DLGAP1: variants seen among roughly 807,000 people sequenced by gnomAD.
DLGAP1 encodes disks large-associated protein 1.
In DLGAP1, 11 loss-of-function variants were observed where a neutral mutation model predicts 90.8. That is an observed-to-expected ratio of 0.12 (90% confidence interval 0.08 to 0.20). DLGAP1 has a LOEUF of 0.20. DLGAP1 is among the 10% of genes least tolerant of loss of function. The pLI is 1.00. For missense variants in DLGAP1, 1,050 were observed against 1,333.8 expected (o/e 0.79, Z 3.31); for synonymous variants, 558 against 540.7 (o/e 1.03, Z -0.44).
At chr18:4,049,435 G>A (rs962960648) in intron 2 of DLGAP1, among the ~76,000 whole-genome samples, 2 of 152,016 alleles carry the variant, frequency 1.3e-5, no homozygotes, top group Admixed American at 6.6e-5. Context: ...CATGCTGGCC[G>A]TCACACTGGA....
chr18:4,086,811 T>C (rs2075687981), intron 2 of DLGAP1, among the ~76,000 whole-genome samples: 1 of 151,996 alleles, frequency 6.6e-6, no homozygotes, highest in Admixed American at 6.5e-5. Flanking sequence ...TTAAGTTCTA[T>C]ATCCTTATTG....
At chr18:3,705,384 T>G (rs952335032) in intron 7 of DLGAP1, among the ~76,000 whole-genome samples, 1 of 151,884 alleles carries the variant, frequency 6.6e-6, no homozygotes, top group African/African-American at 2.4e-5. Flanking sequence ...GTCAACAGCA[T>G]TGTGCTTGTA....
intron 1 of DLGAP1, among the ~76,000 whole-genome samples, chr18:4,251,249 T>C (rs1473395380): frequency 1.3e-5 from 2 of 152,176 alleles, no homozygotes; most frequent in Admixed American, 1.3e-4. Flanking sequence ...ATCTTATAAA[T>C]TGCTTTTCTC....
At chr18:3,669,643 G>T (rs2060013282) in intron 7 of DLGAP1, among the ~76,000 whole-genome samples, 1 of 152,192 alleles carries the variant, frequency 6.6e-6, no homozygotes, top group African/African-American at 2.4e-5. Context: ...AGTCAGAGGA[G>T]AGCCGGGCAG....
intron 2 of DLGAP1, among the ~76,000 whole-genome samples, chr18:4,081,834 G>A (rs2075612795): frequency 6.6e-6 from 1 of 152,176 alleles, no homozygotes; most frequent in African/African-American, 2.4e-5. Context: ...TATTCTTCAA[G>A]TCCAGTCATT....
chr18:4,303,115 G>T (rs1438196887), intron 1 of DLGAP1, among the ~76,000 whole-genome samples: 1 of 152,132 alleles, frequency 6.6e-6, no homozygotes, highest in East Asian at 1.9e-4. Context: ...CTGGCACATA[G>T]AGGCCACTAA....
intron 1 of DLGAP1, among the ~76,000 whole-genome samples, chr18:4,180,529 G>A (rs2077189358): frequency 1.3e-5 from 2 of 152,142 alleles, no homozygotes; most frequent in African/African-American, 4.8e-5. Flanking sequence ...TGGCACCGAT[G>A]GGAGAATTAT....
At chr18:4,322,505 T>A (rs1003993378) in intron 1 of DLGAP1, among the ~76,000 whole-genome samples, 1 of 152,156 alleles carries the variant, frequency 6.6e-6, no homozygotes, top group Admixed American at 6.5e-5. Flanking sequence ...TAAAATGGAT[T>A]AAATACTTAA....
chr18:3,802,275 C>A (rs8087730), intron 5 of DLGAP1, among the ~76,000 whole-genome samples: 21,689 of 152,150 alleles, frequency 0.14, 3,422 homozygotes, highest in African/African-American at 0.39. Flanking sequence ...GAGCCACCGA[C>A]CCCGCCACGC....
At chr18:4,132,854 G>A (rs987488793) in intron 2 of DLGAP1, among the ~76,000 whole-genome samples, 13 of 152,120 alleles carry the variant, frequency 8.5e-5, no homozygotes, top group Non-Finnish European at 1.3e-4. Context: ...CTGTTATCCA[G>A]GAGCTTTAAT....
At chr18:4,027,792 T>C (rs930096133) in intron 2 of DLGAP1, among the ~76,000 whole-genome samples, 1 of 152,154 alleles carries the variant, frequency 6.6e-6, no homozygotes, top group Non-Finnish European at 1.5e-5. Context: ...AAAAAACACC[T>C]CAGATTATGG....
intron 2 of DLGAP1, among the ~76,000 whole-genome samples, chr18:4,107,835 T>G (rs1382513417): frequency 6.6e-6 from 1 of 152,236 alleles, no homozygotes; most frequent in Non-Finnish European, 1.5e-5. Context: ...TTCTTCCATT[T>G]GGTGTTTGTG....
intron 1 of DLGAP1, among the ~76,000 whole-genome samples, chr18:4,414,921 C>CA (rs2144638144): frequency 6.6e-6 from 1 of 152,200 alleles, no homozygotes; most frequent in African/African-American, 2.4e-5. Flanking sequence ...TCTGAATCTT[C>CA]AGTCCTTAAT....
At chr18:3,894,137 C>T (rs546723750) in intron 3 of DLGAP1, among the ~76,000 whole-genome samples, 3 of 152,248 alleles carry the variant, frequency 2.0e-5, no homozygotes, top group East Asian at 3.9e-4. Flanking sequence ...TTGTCAGTTG[C>T]ATAATTTGCA....
chr18:4,225,782 T>C (rs2078173361), intron 1 of DLGAP1, among the ~76,000 whole-genome samples: 1 of 151,894 alleles, frequency 6.6e-6, no homozygotes, highest in Non-Finnish European at 1.5e-5. Flanking sequence ...TAAAAAAGAA[T>C]GAAGCATACC....
At position 3,971,473 on chromosome 18, in the gene DLGAP1, T is replaced by C. The variant is rs112720924; in HGVS notation, c.-73+33643A>G. 3.0e-3 allele frequency among the ~76,000 whole-genome samples: 462 copies of C among 152,342 alleles called. 3 individuals carry two copies. The highest frequency in any genetic ancestry group is 0.011 in the African/African-American group (437 of 41,584). ...TGACATAATATCACATATGTGTGCA[T>C]GTATACCTGAAACATGTTTTGTAAA... On this transcript the variant is annotated intron_variant, in intron 3 of 12. Coordinates refer to ENST00000315677, the MANE Select transcript of DLGAP1 (RefSeq NM_004746.4).
At chr18:3,905,578 A>T (rs754533642) in intron 3 of DLGAP1, among the ~76,000 whole-genome samples, 1 of 152,100 alleles carries the variant, frequency 6.6e-6, no homozygotes, top group African/African-American at 2.4e-5. Flanking sequence ...TTTCTTCCTT[A>T]GTTCAAGGTT....
At chr18:3,678,177 G>A (rs1471214760) in intron 7 of DLGAP1, among the ~76,000 whole-genome samples, 1 of 151,748 alleles carries the variant, frequency 6.6e-6, no homozygotes, top group African/African-American at 2.4e-5. Flanking sequence ...GGCCAGGCTG[G>A]TCTTGAACTC....
chr18:4,297,153 A>G (rs2080003287), intron 1 of DLGAP1, among the ~76,000 whole-genome samples: 2 of 152,228 alleles, frequency 1.3e-5, no homozygotes. Flanking sequence ...CAACAGTATA[A>G]GGAAGATATG....
Sources: allele counts gnomAD v4.1 joint callset (sites outside exome capture counted in the v4.1 genomes callset), GRCh38; gene constraint gnomAD v4.1.1; transcripts MANE v1.5; gene names NCBI Gene and HGNC (gene_info 2026-07-23, HGNC 2026-07-21).